The following ATG5 variants were observed in gnomAD, a reference collection of about 807,000 sequenced individuals.
ATG5 encodes the protein autophagy related 5, also known as autophagy protein 5.
In ATG5, 14 loss-of-function variants were observed where a neutral mutation model predicts 36.5. The ratio of observed to expected loss-of-function variants is 0.38; its 90% CI spans 0.25 to 0.60. ATG5 has a LOEUF of 0.60. ATG5 is among the 20% of genes least tolerant of loss of function. The pLI is 0.60. For synonymous variants in ATG5, 95 were observed against 101.5 expected (o/e 0.94, Z 0.38); for missense variants, 195 against 326.7 (o/e 0.60, Z 3.11).
At chr6:106,245,438 C>T (rs1013525235) in intron 6 of ATG5, among the ~76,000 whole-genome samples, 2 of 152,300 alleles carry the variant, frequency 1.3e-5, no homozygotes, top group East Asian at 3.9e-4. Context: ...TCATAGTTTG[C>T]TCATAAATCA....
chr6:106,266,505 C>A (rs904385087), intron 5 of ATG5, among the ~76,000 whole-genome samples: 1 of 150,378 alleles, frequency 6.6e-6, no homozygotes, highest in Non-Finnish European at 1.5e-5. Flanking sequence ...TTATGAGGCC[C>A]TAACTCATTT....
chr6:106,250,580 A>G (rs1778535549), intron 5 of ATG5, among the ~76,000 whole-genome samples: 2 of 152,024 alleles, frequency 1.3e-5, no homozygotes, highest in African/African-American at 2.4e-5. Flanking sequence ...ATATGAAGCA[A>G]TTATTCTGTC....
At chr6:106,268,718 C>T (rs1779322730) in intron 5 of ATG5, among the ~76,000 whole-genome samples, 1 of 152,084 alleles carries the variant, frequency 6.6e-6, no homozygotes, top group African/African-American at 2.4e-5. Flanking sequence ...GATTTTGTAT[C>T]CTCTGCAGAG....
At position 106,202,081 on chromosome 6, in the gene ATG5, A is replaced by C. The variant is rs1457176140; in HGVS notation, c.582T>G (p.Thr194=). The stretch of plus-strand genomic sequence containing the variant: ...ACAGCTTCTGAATGAAAGGTCTTTC[A>C]GTCGTTGTCTATTTGAAAAAGGAAA... The part of the protein sequence containing the change: ...YIPFRIYQTT[T]ERPFIQKLFR... Residue 194 remains threonine (T), a synonymous_variant, in exon 7 of 8, where the codon ACT becomes ACG. Transcript: ENST00000369076. 4 of 1,613,240 alleles carry C rather than the reference A, an allele frequency of 2.5e-6. No individual in the cohort carries two copies. Among genetic ancestry groups the C allele is most frequent in the Middle Eastern group, 3.3e-4 (2 of 6,082 alleles).
chr6:106,296,489 C>G (rs1257985369), intron 3 of ATG5, among the ~76,000 whole-genome samples: 1 of 152,080 alleles, frequency 6.6e-6, no homozygotes, highest in Non-Finnish European at 1.5e-5. Context: ...TTATGTGTTG[C>G]CTAAAGTATT....
intron 6 of ATG5, among the ~76,000 whole-genome samples, chr6:106,205,347 G>A (rs755185815): frequency 6.6e-6 from 1 of 152,190 alleles, no homozygotes; most frequent in East Asian, 1.9e-4. Context: ...CAAGAATTTG[G>A]AGCTCTCATT....
intron 5 of ATG5, among the ~76,000 whole-genome samples, chr6:106,268,818 C>A (rs1051758861): frequency 1.3e-5 from 2 of 151,702 alleles, no homozygotes; most frequent in Non-Finnish European, 2.9e-5. Context: ...TTAGTGGGAG[C>A]TGAACAACAA....
rs1779990177 is a variant in ATG5 at position 106,284,213 on chromosome 6, G to A, written c.316-4390C>T. Among the ~76,000 whole-genome samples the A allele has an allele frequency of 1.3e-5, 2 of 152,174 alleles. 1 individual carries two copies. Among genetic ancestry groups the A allele is most frequent in the Admixed American group, 1.3e-4 (2 of 15,282 alleles). ...TGGGAATATTACTAGGAATAGAACT[G>A]CTGTGTAATGTGGTAAGTATATCAT... On this transcript the variant is annotated intron_variant, in intron 4 of 7. Transcript: ENST00000369076.
intron 7 of ATG5, among the ~76,000 whole-genome samples, chr6:106,195,462 C>T (rs1028549908): frequency 6.6e-6 from 1 of 151,904 alleles, no homozygotes; most frequent in African/African-American, 2.4e-5. Flanking sequence ...AACAGTGACT[C>T]GATGTTTTGG....
At chr6:106,204,536 A>G (rs1776557841) in intron 6 of ATG5, among the ~76,000 whole-genome samples, 1 of 152,186 alleles carries the variant, frequency 6.6e-6, no homozygotes, top group African/African-American at 2.4e-5. Flanking sequence ...CTCAAATTGT[A>G]ATCCCCACCC....
rs149019436 is a variant in ATG5, at chr6:106,264,002, T to C, written c.478+15659A>G. ...CTGGATGAAGAATGAAGTTGATGAA[T>C]TGACAGAAGAAGGCTTCAGAAGGTG... On this transcript the variant is annotated intron_variant, in intron 5 of 7. Coordinates refer to ENST00000369076, the MANE Select transcript of ATG5 (RefSeq NM_004849.4). Among the ~76,000 whole-genome samples, 20 of 152,118 alleles carry C rather than the reference T, an allele frequency of 1.3e-4. No individual in the cohort carries two copies. In the East Asian group the frequency reaches 2.1e-3, roughly 16 times the overall value.
intron 5 of ATG5, among the ~76,000 whole-genome samples, chr6:106,253,717 T>C (rs80318315): frequency 1.6e-3 from 240 of 152,276 alleles, no homozygotes; most frequent in African/African-American, 5.5e-3. Flanking sequence ...AAAGTATAAA[T>C]CATCAACGAG....
At chr6:106,257,280 T>C (rs982616379) in intron 5 of ATG5, among the ~76,000 whole-genome samples, 2 of 152,210 alleles carry the variant, frequency 1.3e-5, no homozygotes, top group African/African-American at 4.8e-5. Flanking sequence ...AAGTAGAAGG[T>C]GAACACTCTA....
At chr6:106,192,025 T>C (rs975989743) in intron 7 of ATG5, among the ~76,000 whole-genome samples, 1 of 152,130 alleles carries the variant, frequency 6.6e-6, no homozygotes, top group East Asian at 1.9e-4. Context: ...ATGTATTTTT[T>C]AAAAGACAAC....
chr6:106,304,669 G>A (rs1770364066), intron 3 of ATG5, among the ~76,000 whole-genome samples: 1 of 152,174 alleles, frequency 6.6e-6, no homozygotes, highest in African/African-American at 2.4e-5. Context: ...TGTGAGTTGG[G>A]GGAAGGAAGA....
At chr6:106,322,463 T>A (rs944304751) in intron 1 of ATG5, among the ~76,000 whole-genome samples, 4 of 152,184 alleles carry the variant, frequency 2.6e-5, no homozygotes, top group African/African-American at 4.8e-5. Flanking sequence ...AGTTTCCTAC[T>A]CTTCCCTAGT....
intron 5 of ATG5, among the ~76,000 whole-genome samples, chr6:106,258,580 A>G (rs1409793625): frequency 1.3e-5 from 2 of 152,176 alleles, no homozygotes; most frequent in Non-Finnish European, 2.9e-5. Context: ...AGCTCTCCTC[A>G]TTGTAGAGAG....
At chr6:106,188,009 A>G (rs1419873770) in intron 7 of ATG5, among the ~76,000 whole-genome samples, 1 of 152,208 alleles carries the variant, frequency 6.6e-6, no homozygotes, top group Non-Finnish European at 1.5e-5. Context: ...ACTTTATAAT[A>G]CTACTAACCT....
intron 3 of ATG5, among the ~76,000 whole-genome samples, chr6:106,302,394 G>C (rs1008796636): frequency 2.6e-5 from 4 of 151,988 alleles, no homozygotes; most frequent in Non-Finnish European, 5.9e-5. Flanking sequence ...GTAGATGATG[G>C]TAAGTCAGAA....
Sources: allele counts gnomAD v4.1 joint callset (sites outside exome capture counted in the v4.1 genomes callset), GRCh38; gene constraint gnomAD v4.1.1; transcripts MANE v1.5; gene names NCBI Gene and HGNC (gene_info 2026-07-23, HGNC 2026-07-21).